Variants in KIFC3 observed in about 807,000 individuals in gnomAD.
KIFC3 encodes kinesin-like protein KIFC3.
KIFC3 carries 60 observed loss-of-function variants against 101.8 expected under a neutral mutation model. That is an observed-to-expected ratio of 0.59 (90% CI 0.48 to 0.73). The LOEUF (loss-of-function observed/expected upper bound fraction) is 0.73. Among genes scored for constraint, KIFC3 ranks in the 30% least tolerant of loss-of-function variants. The probability of loss-of-function intolerance (pLI) is 0.00; values close to 1 mark genes in which losing one functional copy is unlikely to be tolerated. For synonymous variants in KIFC3, 476 were observed against 482.7 expected (o/e 0.99, Z 0.18); for missense variants, 966 against 1,137.1 (o/e 0.85, Z 2.16).
At chr16:57,842,218 TCTC>T (rs200182666) in intron 1 of KIFC3, among the ~76,000 whole-genome samples, 1,589 of 151,848 alleles carry the variant, frequency 0.01, 23 homozygotes, top group African/African-American at 0.036. Context: ...AAATAAAAAA[TCTC>T]CTCATGCTTC....
At chr16:57,770,787 A>G (rs980692050) in intron 6 of KIFC3, 87 bp from the exon 7 acceptor site, 1 of 1,131,046 alleles carries the variant, frequency 8.8e-7, no homozygotes. Flanking sequence ...CAGGGGAAGG[A>G]ACTCTCGGGA....
At position 57,772,256 on chromosome 16, in the gene KIFC3, C is replaced by T. The variant is rs1555609277; in HGVS notation, c.348G>A (p.Gln116=). Residue 116 remains glutamine (Q), a synonymous_variant, in exon 4 of 20, where the codon CAG becomes CAA. Coordinates refer to ENST00000445690, the MANE Select transcript of KIFC3 (RefSeq NM_001130100.2). ...ATCGCAGTCGGCTCACTTCCTGGGC[C>T]TGGCTAATGAGCTTCTCCTTCAGGT... ...VEHLKEKLIS[Q]AQEVSRLRSE... 5 of 1,613,892 alleles carry T rather than the reference C, an allele frequency of 3.1e-6. No individual in the cohort carries two copies. The highest frequency in any genetic ancestry group is 1.7e-4 in the Middle Eastern group (1 of 6,058).
At position 57,764,182 on chromosome 16, in the gene KIFC3, C is replaced by T. The variant is rs113233871; in HGVS notation, c.1578G>A (p.Ala526=). 4,048 of 1,613,008 alleles carry T rather than the reference C, an allele frequency of 2.5e-3. 80 individuals are homozygous for T. In the African/African-American group the frequency reaches 0.045, roughly 18 times the overall value. The change falls in exon 12 of 20, where the codon GCG becomes GCA. Residue 526 remains alanine, a synonymous_variant. Coordinates refer to ENST00000445690, the MANE Select transcript of KIFC3 (RefSeq NM_001130100.2). ...CIDGFNVCIF[A]YGQTGAGKTY... is the part of the protein sequence containing the mutation. ...TCTTGCCGGCGCCCGTCTGGCCGTA[C>T]GCAAAGATGCAGACATTGAAGCCAT... is the stretch of plus-strand genomic sequence containing the variant.
intron 9 of KIFC3, among the ~76,000 whole-genome samples, chr16:57,768,924 C>T (rs565215173): frequency 1.1e-4 from 16 of 152,130 alleles, no homozygotes; most frequent in Non-Finnish European, 1.5e-4. Context: ...CTCAGCACTG[C>T]GGGAGGCCAA....
intron 1 of KIFC3, among the ~76,000 whole-genome samples, chr16:57,820,327 T>G (rs2055322523): frequency 6.6e-6 from 1 of 152,244 alleles, no homozygotes; most frequent in Admixed American, 6.5e-5. Flanking sequence ...TGGAGTGCAG[T>G]GCAGTGGTGT....
chr16:57,821,737 T>A (rs1438540601), intron 1 of KIFC3, among the ~76,000 whole-genome samples: 2 of 152,012 alleles, frequency 1.3e-5, no homozygotes, highest in Non-Finnish European at 2.9e-5. Flanking sequence ...ACCTCAGAAT[T>A]CCTGAAGTTA....
intron 9 of KIFC3, 53 bp from the exon 10 acceptor site, chr16:57,767,038 G>A (rs967664148): frequency 4.8e-6 from 7 of 1,444,228 alleles, no homozygotes; most frequent in Non-Finnish European, 5.8e-6. Flanking sequence ...AGCCTTACCG[G>A]CCTGACTGCC....
chr16:57,816,440 G>T (rs782034744), intron 1 of KIFC3: 1 of 473,476 alleles, frequency 2.1e-6, no homozygotes, highest in South Asian at 1.5e-5. Context: ...GGTTTTGGCC[G>T]CCACAGGGGA....
intron 1 of KIFC3, among the ~76,000 whole-genome samples, chr16:57,829,630 A>G (rs1375655094): frequency 6.6e-6 from 1 of 152,208 alleles, no homozygotes; most frequent in Non-Finnish European, 1.5e-5. Flanking sequence ...GGCTCAGGAA[A>G]GTCACCATGC....
chr16:57,857,395 CT>C lies in KIFC3; in HGVS notation c.108+5333del, dbSNP rs11404405. Among the ~76,000 whole-genome samples the C allele has an allele frequency of 1.6e-3, 219 of 135,918 alleles. 3 individuals carry two copies. The highest frequency in any genetic ancestry group is 3.8e-3 in the African/African-American group (139 of 37,040). 89.2% of individuals were successfully genotyped at this position (135,918 alleles called of 152,430 possible). A position where few individuals can be genotyped will look rare whatever the true frequency, so the allele number is the denominator to read the frequency against. On this transcript the variant is annotated intron_variant, in intron 1 of 2. Transcript: ENST00000563028. ...TCTCCCAGAACCCCCTAAAACCTTT[CT>C]TTTTTTTTTTTTAATTATACTTTAA... is the stretch of plus-strand genomic sequence containing the variant.
rs150459486 is a variant in KIFC3, at chr16:57,761,044, G to A, written c.2000C>T (p.Thr667Met). ...GCCAGGCTGCCTGCCACTCTCACCC[G>A]TGGTGCGGAGGCCTGTGCTGCAGTC... The part of the protein sequence containing the change: ...GVDCSTGLRT[T>M]GKLNLVDLAG... Residue 667 changes from threonine to methionine, a missense_variant and splice_region_variant, in exon 15 of 20, where the codon ACG (threonine) becomes ATG (methionine). By Grantham distance (81) the Thr-to-Met change is moderately conservative (BLOSUM62 -1). Coordinates refer to ENST00000445690, the MANE Select transcript of KIFC3 (RefSeq NM_001130100.2). The A allele has an allele frequency of 2.0e-4, 314 of 1,607,870 alleles. No homozygotes were observed. Among genetic ancestry groups the A allele is most frequent in the Non-Finnish European group, 2.4e-4 (281 of 1,176,792 alleles).
intron 3 of KIFC3, chr16:57,773,939 G>A (rs1555610334): frequency 2.0e-5 from 3 of 152,018 alleles, no homozygotes; most frequent in African/African-American, 7.2e-5. Context: ...CCCCACCTCT[G>A]AGGAAAAGGC....
At chr16:57,790,848 C>G in intron 3 of KIFC3, 1 of 898,810 alleles carries the variant, frequency 1.1e-6, no homozygotes, top group African/African-American at 1.8e-5. Context: ...AAAGTGACAT[C>G]AGCAGGCTCC....
rs146386887 is a variant in KIFC3 at position 57,783,472 on chromosome 16, C to CTTTTTTTTTTTTTT, written c.316-11198_316-11185dup. Among the ~76,000 whole-genome samples, 4 of 82,624 alleles carry CTTTTTTTTTTTTTT rather than the reference C, an allele frequency of 4.8e-5. 1 individual carries two copies. The highest frequency in any genetic ancestry group is 9.0e-5 in the Non-Finnish European group (3 of 33,362). The allele number at this position is 82,624 out of a possible 152,430, so 54.2% of individuals were successfully genotyped here. ...ATCTCCACAAAGCCCATTTTCTTTTCTTTTTTTTTTTTTTTTTGAGACAGA... is the reference window on the plus strand; with the variant it reads ...ATCTCCACAAAGCCCATTTTCTTTTCTTTTTTTTTTTTTTTTTTTTTTTTTTTTTTTGAGACAGA... On this transcript the variant is annotated intron_variant, in intron 3 of 19. Transcript: ENST00000445690.
rs116343484 is a variant in KIFC3, at chr16:57,845,556, G to T, written c.108+17173C>A. Among the ~76,000 whole-genome samples, 831 of 152,140 alleles carry T rather than the reference G, an allele frequency of 5.5e-3. 2 individuals are homozygous for T. Among genetic ancestry groups the T allele is most frequent in the African/African-American group, 0.019 (775 of 41,506 alleles). On this transcript the variant is annotated intron_variant, in intron 1 of 2. Transcript: ENST00000563028. Reference sequence around the variant, plus strand: ...CAGACAGCCTCAGGGCCTTTGCGTGGGTTCTTCCACCTCGGACATTCTTTC... The same window carrying T: ...CAGACAGCCTCAGGGCCTTTGCGTGTGTTCTTCCACCTCGGACATTCTTTC...
In KIFC3 at chr16:57,760,734, CCAT is replaced by C. The variant is rs1555595653; in HGVS notation, c.2221_2223del (p.Met741del). ...TAACCCAAGGTCCTCACCTGTACCA[CCAT>C]GAGGGTCTTGCTGTCACCACTAAGC... is the stretch of plus-strand genomic sequence containing the variant. On this transcript the variant is annotated inframe_deletion, in exon 16 of 20. Coordinates refer to ENST00000445690, the MANE Select transcript of KIFC3 (RefSeq NM_001130100.2). 2.5e-6 allele frequency: 4 copies of C among 1,613,380 alleles called. No homozygotes were observed. The highest frequency in any genetic ancestry group is 3.4e-6 in the Non-Finnish European group (4 of 1,179,796).
chr16:57,781,241 G>C (rs1332285146), intron 3 of KIFC3, among the ~76,000 whole-genome samples: 4 of 152,158 alleles, frequency 2.6e-5, no homozygotes, highest in African/African-American at 4.8e-5. Context: ...CTTGAGCCCG[G>C]GAGGCAGGGG....
chr16:57,827,164 A>G (rs1555630936), intron 1 of KIFC3, among the ~76,000 whole-genome samples: 1 of 152,230 alleles, frequency 6.6e-6, no homozygotes. Flanking sequence ...GCGATCCCAC[A>G]AGAGAAAAGC....
chr16:57,783,298 T>TG (rs1404930285), intron 3 of KIFC3, among the ~76,000 whole-genome samples: 2 of 152,052 alleles, frequency 1.3e-5, no homozygotes, highest in African/African-American at 2.4e-5. Flanking sequence ...GCAAGGAGCA[T>TG]GGGGAGTGAC....
Sources: gnomAD v4.1 joint callset for allele counts (sites outside exome capture counted in the v4.1 genomes callset) on GRCh38, gnomAD v4.1.1 for gene constraint, MANE v1.5 for transcripts, NCBI Gene and HGNC (gene_info 2026-07-23, HGNC 2026-07-21) for gene names.